Variants in LCLAT1 observed in about 807,000 individuals in gnomAD.
The protein encoded by LCLAT1 is 1-AGP acyltransferase 8.
In LCLAT1, 11 loss-of-function variants were observed where a neutral mutation model predicts 30.7. The observed-to-expected ratio is 0.36, with a 90% CI of 0.23 to 0.59. The LOEUF is 0.59. LCLAT1 is among the 20% of genes least tolerant of loss of function. The probability of loss-of-function intolerance (pLI) is 0.77; values close to 1 mark genes in which losing one functional copy is unlikely to be tolerated. For synonymous variants in LCLAT1, 155 were observed against 151.3 expected (o/e 1.02, Z -0.18); for missense variants, 402 against 458.6 (o/e 0.88, Z 1.13).
chr2:30,525,889 AAAT>A, intron 2 of LCLAT1, 134 bp downstream of exon 2: 1 of 688,160 alleles, frequency 1.5e-6, no homozygotes, highest in Non-Finnish European at 2.5e-6. Context: ...TGTATGCTTT[AAAT>A]AATCTCTAGA....
intron 1 of LCLAT1, among the ~76,000 whole-genome samples, chr2:30,518,989 C>T (rs1685335509): frequency 6.6e-6 from 1 of 152,194 alleles, no homozygotes; most frequent in African/African-American, 2.4e-5. Flanking sequence ...ATTAAGCCAC[C>T]CAAACACTCT....
At chr2:30,479,218 T>C (rs1202392587) in intron 1 of LCLAT1, among the ~76,000 whole-genome samples, 1 of 152,082 alleles carries the variant, frequency 6.6e-6, no homozygotes, top group Admixed American at 6.6e-5. Flanking sequence ...TACTTGTTTT[T>C]TGTTTTTTAT....
intron 1 of LCLAT1, among the ~76,000 whole-genome samples, chr2:30,465,174 A>G (rs768311794): frequency 3.9e-5 from 6 of 152,168 alleles, no homozygotes; most frequent in Non-Finnish European, 8.8e-5. Flanking sequence ...CTTATCCTGG[A>G]TTATGTGAGT....
chr2:30,454,277 T>A (rs894626257), intron 1 of LCLAT1, among the ~76,000 whole-genome samples: 1 of 152,188 alleles, frequency 6.6e-6, no homozygotes, highest in East Asian at 1.9e-4. Flanking sequence ...GCATGTTCCA[T>A]TATATCATTT....
chr2:30,457,517 G>A (rs758844970), intron 1 of LCLAT1, among the ~76,000 whole-genome samples: 2 of 152,210 alleles, frequency 1.3e-5, no homozygotes, highest in African/African-American at 2.4e-5. Context: ...TGCAAAGGAT[G>A]TTTGTTGGAA....
chr2:30,475,355 G>T (rs1474958024), intron 1 of LCLAT1, among the ~76,000 whole-genome samples: 1 of 152,090 alleles, frequency 6.6e-6, no homozygotes, highest in East Asian at 1.9e-4. Context: ...TGGATAGCTG[G>T]TGGTGACTTG....
At chr2:30,449,919 CTTG>C (rs1321193496) in intron 1 of LCLAT1, among the ~76,000 whole-genome samples, 2 of 151,968 alleles carry the variant, frequency 1.3e-5, no homozygotes, top group South Asian at 4.1e-4. Context: ...TTTAGTTAAG[CTTG>C]TTGTTTTGAT....
intron 5 of LCLAT1, among the ~76,000 whole-genome samples, chr2:30,584,718 C>G (rs1321415543): frequency 6.6e-6 from 1 of 152,190 alleles, no homozygotes; most frequent in Non-Finnish European, 1.5e-5. Flanking sequence ...CAACTTTTAT[C>G]TTCTTCAGGG....
At chr2:30,634,253 C>T (rs570995134) in intron 5 of LCLAT1, among the ~76,000 whole-genome samples, 2 of 152,282 alleles carry the variant, frequency 1.3e-5, no homozygotes, top group South Asian at 4.1e-4. Context: ...CCAATAGTCA[C>T]AGTGTCTGAA....
intron 1 of LCLAT1, among the ~76,000 whole-genome samples, chr2:30,455,191 C>A (rs829582): frequency 6.6e-6 from 1 of 152,032 alleles, no homozygotes; most frequent in Non-Finnish European, 1.5e-5. Context: ...AGGAGTGTTA[C>A]GTTCTCATTT....
intron 5 of LCLAT1, among the ~76,000 whole-genome samples, chr2:30,568,572 A>G (rs1243899669): frequency 7.0e-5 from 9 of 128,770 alleles, no homozygotes; most frequent in African/African-American, 2.4e-4. Context: ...CAGTGGTGCT[A>G]TCTCGGCTCA....
rs76277684 is a variant in LCLAT1 at position 30,640,187 on chromosome 2, C to A, written c.699C>A (p.His233Gln). Residue 233 changes from histidine to glutamine, a missense_variant, in exon 6 of 6, where the codon CAC (histidine) becomes CAA (glutamine). Physicochemically the swap from His to Gln is conservative, Grantham distance 24 (BLOSUM62 0). Transcript: ENST00000379509. Reference protein sequence around the residue: ...YPHNIPQSEKHLLQGDFPREI... With the variant: ...YPHNIPQSEKQLLQGDFPREI... ...ACAACATTCCTCAATCAGAGAAGCA[C>A]CTCCTCCAAGGAGACTTTCCCAGGG... 1.1e-4 allele frequency: 178 copies of A among 1,614,164 alleles called. No homozygotes were observed. The East Asian group carries it at 3.0e-3, about 27-fold the overall frequency.
intron 5 of LCLAT1, among the ~76,000 whole-genome samples, chr2:30,620,132 A>C (rs1220720738): frequency 6.6e-6 from 1 of 152,170 alleles, no homozygotes; most frequent in Non-Finnish European, 1.5e-5. Flanking sequence ...TAAGCAAAAA[A>C]ACCTAGGGTT....
intron 5 of LCLAT1, among the ~76,000 whole-genome samples, chr2:30,580,588 AG>A (rs1396404356): frequency 6.6e-6 from 1 of 152,134 alleles, no homozygotes; most frequent in Non-Finnish European, 1.5e-5. Context: ...GACAACAGAA[AG>A]GGGAAGCTGC....
At chr2:30,467,076 C>G (rs1682472892) in intron 1 of LCLAT1, among the ~76,000 whole-genome samples, 2 of 152,098 alleles carry the variant, frequency 1.3e-5, no homozygotes, top group Non-Finnish European at 2.9e-5. Context: ...TCTCCTAATG[C>G]TATCCCTCCC....
At chr2:30,563,438 A>G (rs146022613) in intron 4 of LCLAT1, among the ~76,000 whole-genome samples, 1 of 152,346 alleles carries the variant, frequency 6.6e-6, no homozygotes, top group East Asian at 1.9e-4. Context: ...GCTTAGACAG[A>G]AAGTATTTCT....
intron 3 of LCLAT1, among the ~76,000 whole-genome samples, chr2:30,533,954 G>T (rs989661230): frequency 6.6e-6 from 1 of 152,238 alleles, no homozygotes; most frequent in East Asian, 1.9e-4. Flanking sequence ...ATGTGAAAAA[G>T]GGAGGGGAAA....
At chr2:30,617,543 A>T (rs1434957499) in intron 5 of LCLAT1, among the ~76,000 whole-genome samples, 1 of 152,204 alleles carries the variant, frequency 6.6e-6, no homozygotes, top group African/African-American at 2.4e-5. Flanking sequence ...TTTCTTGGGC[A>T]CATACCTATG....
At chr2:30,474,669 A>G (rs777989147) in intron 1 of LCLAT1, among the ~76,000 whole-genome samples, 8 of 145,844 alleles carry the variant, frequency 5.5e-5, no homozygotes, top group African/African-American at 2.0e-4. Context: ...TTTTTTTCTA[A>G]ATAGGGCCTC....
Sources: allele counts gnomAD v4.1 joint callset (sites outside exome capture counted in the v4.1 genomes callset), GRCh38; gene constraint gnomAD v4.1.1; transcripts MANE v1.5; gene names NCBI Gene and HGNC (gene_info 2026-07-23, HGNC 2026-07-21).